Variants in VPS13A observed in about 807,000 individuals in gnomAD.
The protein encoded by VPS13A is intermembrane lipid transfer protein VPS13A.
Under a neutral mutation model 390.9 loss-of-function variants are expected in VPS13A, and 264 were observed. That is an observed-to-expected ratio of 0.68 (90% confidence interval 0.61 to 0.75). The LOEUF is 0.75. Ranked by LOEUF, VPS13A falls within the 30% of genes least tolerant of loss-of-function variation. The probability of loss-of-function intolerance (pLI) is 0.00; values close to 1 mark genes in which losing one functional copy is unlikely to be tolerated. For missense variants in VPS13A, 3,409 were observed against 3,733.9 expected (o/e 0.91, Z 2.27); for synonymous variants, 1,231 against 1,227.1 (o/e 1.00, Z -0.07).
chr9:77,340,753 C>T, intron 50 of VPS13A: 3 of 584,548 alleles, frequency 5.1e-6, no homozygotes, highest in African/African-American at 1.9e-5. Context: ...TAGGAATGCC[C>T]AGCTTGTTAA....
At chr9:77,271,126 A>C (rs1826329564) in intron 23 of VPS13A, among the ~76,000 whole-genome samples, 1 of 152,252 alleles carries the variant, frequency 6.6e-6, no homozygotes, top group Admixed American at 6.5e-5. Context: ...TATTTTTACA[A>C]GTCCAGACTT....
chr9:77,194,862 T>C (rs1395608143), intron 1 of VPS13A, among the ~76,000 whole-genome samples: 2 of 152,040 alleles, frequency 1.3e-5, no homozygotes, highest in African/African-American at 4.8e-5. Context: ...CCTGGTCTCT[T>C]GGTGGTGGAA....
At chr9:77,259,643 T>C (rs1056534144) in intron 22 of VPS13A, among the ~76,000 whole-genome samples, 4 of 152,206 alleles carry the variant, frequency 2.6e-5, no homozygotes, top group African/African-American at 9.6e-5. Context: ...CTCAATGATC[T>C]TTGATACATA....
chr9:77,412,090 A>T (rs1399397781), intron 71 of VPS13A, among the ~76,000 whole-genome samples: 3 of 152,208 alleles, frequency 2.0e-5, no homozygotes, highest in Non-Finnish European at 4.4e-5. Flanking sequence ...TCTGAAATTG[A>T]GGCAATAATT....
Position 77,381,843 on chromosome 9 carries a change from A to G in VPS13A, c.9078-133A>G, listed in dbSNP as rs10869920. 0.42 allele frequency: 272,409 copies of G among 655,182 alleles called. 57,875 individuals carry two copies. The highest frequency in any genetic ancestry group is 0.52 in the South Asian group (22,023 of 42,760). The allele number at this position is 655,182 out of a possible 1,614,324, so 40.6% of individuals were successfully genotyped here. ...AGAACTTACACTGTTTATGTTACAA[A>G]AACAATTTAAAATTAGAGAATGTTG... On this transcript the variant is annotated intron_variant, in intron 67 of 71. Transcript: ENST00000360280.
rs200616248 is a variant in VPS13A, at chr9:77,339,876, T to A, written c.6739T>A (p.Ser2247Thr). 78 of 1,612,960 alleles carry A rather than the reference T, an allele frequency of 4.8e-5. No homozygotes were observed. In the East Asian group the frequency reaches 1.7e-3, roughly 36 times the overall value. ...TAATTATAAAAAGCCAGTTCTCTTT[T>A]CTTTTCAGCCAAATCACTTTTTTAA... Reference protein sequence around the residue: ...PPNYKKPVLFSFQPNHFFNNN... With the variant: ...PPNYKKPVLFTFQPNHFFNNN... The change falls in exon 48 of 72, where the codon TCT becomes ACT. Residue 2247 changes from serine (S) to threonine (T), a missense_variant. Physicochemically the swap from Ser to Thr is moderately conservative, Grantham distance 58. Coordinates refer to ENST00000360280, the MANE Select transcript of VPS13A (RefSeq NM_033305.3).
At chr9:77,239,708 TTTAA>T (rs1435028175) in intron 19 of VPS13A, among the ~76,000 whole-genome samples, 4 of 152,004 alleles carry the variant, frequency 2.6e-5, no homozygotes, top group African/African-American at 9.6e-5. Flanking sequence ...ACTTTTTGCA[TTTAA>T]TTAATTTATT....
intron 1 of VPS13A, among the ~76,000 whole-genome samples, chr9:77,193,562 A>G (rs943059126): frequency 6.6e-6 from 1 of 152,160 alleles, no homozygotes; most frequent in Non-Finnish European, 1.5e-5. Flanking sequence ...TGAACCCGGA[A>G]GGTGGAGGTT....
intron 46 of VPS13A, among the ~76,000 whole-genome samples, chr9:77,333,101 T>C (rs1830363072): frequency 6.6e-6 from 1 of 152,178 alleles, no homozygotes; most frequent in African/African-American, 2.4e-5. Flanking sequence ...TTGGGGTGGG[T>C]TACAAGACTA....
chr9:77,379,213 C>T (rs1195607181), intron 67 of VPS13A, among the ~76,000 whole-genome samples: 1 of 150,528 alleles, frequency 6.6e-6, no homozygotes, highest in South Asian at 2.1e-4. Context: ...GCTGGGATTA[C>T]AGGCACACAC....
At chr9:77,265,398 A>G (rs1172325454) in intron 23 of VPS13A, among the ~76,000 whole-genome samples, 2 of 152,212 alleles carry the variant, frequency 1.3e-5, no homozygotes, top group Non-Finnish European at 2.9e-5. Flanking sequence ...TGCCTCTGGT[A>G]GAATTCGGCT....
rs572756595 is a variant in VPS13A, at chr9:77,180,176, C to T, written c.100+2372C>T. On this transcript the variant is annotated intron_variant, in intron 1 of 71. Coordinates refer to ENST00000360280, the MANE Select transcript of VPS13A (RefSeq NM_033305.3). The stretch of plus-strand genomic sequence containing the variant: ...GGATATTATGAATAATGCCACTGAA[C>T]ATTCATGTACAAGTTTTTTTGTGGA... Among the ~76,000 whole-genome samples the T allele has an allele frequency of 2.0e-5, 3 of 148,184 alleles. No individual in the cohort carries two copies. In the South Asian group the frequency reaches 6.5e-4, roughly 32 times the overall value.
At chr9:77,395,597 T>C (rs150626821) in intron 68 of VPS13A, 3 of 152,262 alleles carry the variant, frequency 2.0e-5, no homozygotes, top group African/African-American at 7.2e-5. Context: ...CTTCAATTTG[T>C]AAAAAACACA....
At chr9:77,390,005 A>G (rs1330317690) in intron 68 of VPS13A, 5 of 833,952 alleles carry the variant, frequency 6.0e-6, no homozygotes, top group Non-Finnish European at 7.2e-6. Context: ...CAATTGGAAG[A>G]TAACTGCCGT....
At chr9:77,301,580 C>T (rs1042023837) in intron 33 of VPS13A, among the ~76,000 whole-genome samples, 2 of 152,120 alleles carry the variant, frequency 1.3e-5, no homozygotes, top group Admixed American at 1.3e-4. Flanking sequence ...GGTGTTATAT[C>T]TTAGTTTAAG....
intron 71 of VPS13A, 36 bp downstream of exon 71, chr9:77,407,643 G>T (rs1834689227): frequency 6.8e-7 from 1 of 1,476,442 alleles, no homozygotes; most frequent in South Asian, 1.1e-5. Context: ...AATAGGAGCT[G>T]CTCACTTCAA....
rs1042881230 is a variant in VPS13A, at chr9:77,227,429, C to T, written c.1396C>T (p.Leu466Phe). 42 of 1,613,468 alleles carry T rather than the reference C, an allele frequency of 2.6e-5. No individual in the cohort carries two copies. Among genetic ancestry groups the T allele is most frequent in the Non-Finnish European group, 3.3e-5 (39 of 1,179,798 alleles). ...GTTGACACCTGAAGAAAAAGCTTTA[C>T]TCTATGAAGCAATTGGCTATAGTGA... ...EMLTPEEKAL[L>F]YEAIGYSETA... Residue 466 changes from leucine (L) to phenylalanine (F), a missense_variant, in exon 16 of 72, where the codon CTC (leucine) becomes TTC (phenylalanine). Coordinates refer to ENST00000360280, the MANE Select transcript of VPS13A (RefSeq NM_033305.3).
At position 77,207,237 on chromosome 9, in the gene VPS13A, A is replaced by ATATATATATATC. The variant is rs1554859949; in HGVS notation, c.385+1169_385+1170insCTATATATATAT. 1.4e-3 allele frequency among the ~76,000 whole-genome samples: 115 copies of ATATATATATATC among 79,520 alleles called. 4 individuals carry two copies. The highest frequency in any genetic ancestry group is 2.5e-3 in the Non-Finnish European group (89 of 35,854). 52.2% of individuals were successfully genotyped at this position (79,520 alleles called of 152,430 possible). On this transcript the variant is annotated intron_variant, in intron 5 of 71. Coordinates refer to ENST00000360280, the MANE Select transcript of VPS13A (RefSeq NM_033305.3). ...ATTATATATATATATATATATATAT[A>ATATATATATATC]TATATATATATATATAAAACGTGTT...
intron 23 of VPS13A, among the ~76,000 whole-genome samples, chr9:77,272,075 A>G (rs1826383006): frequency 6.6e-6 from 1 of 152,176 alleles, no homozygotes; most frequent in African/African-American, 2.4e-5. Flanking sequence ...GCTGCTTCCA[A>G]AATGAGCAGA....
Sources: gnomAD v4.1 joint callset for allele counts (sites outside exome capture counted in the v4.1 genomes callset) on GRCh38, gnomAD v4.1.1 for gene constraint, MANE v1.5 for transcripts, NCBI Gene and HGNC (gene_info 2026-07-23, HGNC 2026-07-21) for gene names.